The following RBM20 variants were observed in gnomAD, a reference collection of about 807,000 sequenced individuals.
RBM20 encodes the protein RNA-binding protein 20.
RBM20 carries 51 observed loss-of-function variants against 110.1 expected under a neutral mutation model. That is an observed-to-expected ratio of 0.46 (90% CI 0.37 to 0.59). The LOEUF is 0.59. Ranked by LOEUF, RBM20 falls within the 20% of genes least tolerant of loss-of-function variation. The probability of loss-of-function intolerance (pLI) is 0.00; values close to 1 mark genes in which losing one functional copy is unlikely to be tolerated. For synonymous variants in RBM20, 589 were observed against 618.2 expected (o/e 0.95, Z 0.70); for missense variants, 1,512 against 1,574.9 (o/e 0.96, Z 0.68).
At chr10:110,782,652 C>T (rs948744095) in intron 2 of RBM20, among the ~76,000 whole-genome samples, 8 of 152,196 alleles carry the variant, frequency 5.3e-5, no homozygotes, top group South Asian at 2.1e-4. Context: ...CCCTTCTCCC[C>T]GCCACCTCCC....
In RBM20 at chr10:110,797,596, G is replaced by A. The variant is rs1376286473; in HGVS notation, c.1616G>A (p.Gly539Glu). ...ACTGAGAATGACGTCATTAACCTGG[G>A]GCTGCCCTTTGGAAAGGTCACTAAT... ...SCTENDVINL[G>E]LPFGKVTNYI... The change falls in exon 6 of 14, where the codon GGG (glycine) becomes GAG (glutamate). Residue 539 changes from glycine to glutamate, a missense_variant. By Grantham distance (98) the Gly-to-Glu change is moderately conservative. Coordinates refer to ENST00000369519, the MANE Select transcript of RBM20 (RefSeq NM_001134363.3). The A allele has an allele frequency of 6.4e-7, 1 of 1,551,700 alleles. No homozygotes were observed. Among genetic ancestry groups the A allele is most frequent in the South Asian group, 1.2e-5 (1 of 84,052 alleles).
At chr10:110,790,282 T>G (rs1455128661) in intron 5 of RBM20, among the ~76,000 whole-genome samples, 1 of 152,212 alleles carries the variant, frequency 6.6e-6, no homozygotes, top group Non-Finnish European at 1.5e-5. Context: ...GGACTAGTAA[T>G]TGATGTGGCA....
In RBM20 at chr10:110,752,941, ATATATTTTT is replaced by A. The variant is rs1389922400; in HGVS notation, c.192-27858_192-27850del. On this transcript the variant is annotated intron_variant, in intron 1 of 13. Coordinates refer to ENST00000369519, the MANE Select transcript of RBM20 (RefSeq NM_001134363.3). The stretch of plus-strand genomic sequence containing the variant: ...TATACATATATATATATATATATAT[ATATATTTTT>A]TTTTTTTTTATGAAGTCTCCCTCTG... 1.2e-4 allele frequency among the ~76,000 whole-genome samples: 11 copies of A among 92,362 alleles called. No individual in the cohort carries two copies. In the Admixed American group the frequency reaches 1.4e-3, roughly 11 times the overall value. 60.6% of individuals were successfully genotyped at this position (92,362 alleles called of 152,430 possible).
chr10:110,737,364 T>G (rs1843683482), intron 1 of RBM20, among the ~76,000 whole-genome samples: 1 of 151,962 alleles, frequency 6.6e-6, no homozygotes, highest in South Asian at 2.1e-4. Context: ...GAGCAATAAA[T>G]TTCTATTGTT....
At chr10:110,751,504 G>T (rs1269395314) in intron 1 of RBM20, among the ~76,000 whole-genome samples, 2 of 152,176 alleles carry the variant, frequency 1.3e-5, no homozygotes, top group African/African-American at 4.8e-5. Context: ...CCCAGTCCTT[G>T]CCTTTCCTAC....
At chr10:110,786,633 C>T (rs772993093) in intron 5 of RBM20, among the ~76,000 whole-genome samples, 12 of 152,242 alleles carry the variant, frequency 7.9e-5, no homozygotes, top group East Asian at 5.8e-4. Flanking sequence ...ATGGCAGCTT[C>T]GGGTCAGTCC....
intron 1 of RBM20, among the ~76,000 whole-genome samples, chr10:110,653,584 G>T (rs578068543): frequency 6.3e-4 from 95 of 150,786 alleles, no homozygotes; most frequent in African/African-American, 2.3e-3. Context: ...TTGAGACAGG[G>T]TCTCACTCTG....
chr10:110,726,684 C>T (rs1277724474), intron 1 of RBM20, among the ~76,000 whole-genome samples: 1 of 152,036 alleles, frequency 6.6e-6, no homozygotes, highest in Admixed American at 6.5e-5. Flanking sequence ...ATGCCAGTTG[C>T]AGGTTCAAGG....
Position 110,696,113 on chromosome 10 carries a change from C to T in RBM20, c.191+51468C>T, listed in dbSNP as rs114543381. ...GTTTTTAACAAAGCCTCTGGTGATTCTGATGCCTGCGGAAGCGTGAGCCAC... is the reference window on the plus strand; with the variant it reads ...GTTTTTAACAAAGCCTCTGGTGATTTTGATGCCTGCGGAAGCGTGAGCCAC... On this transcript the variant is annotated intron_variant, in intron 1 of 13. Transcript: ENST00000369519. Among the ~76,000 whole-genome samples, 608 of 152,300 alleles carry T rather than the reference C, an allele frequency of 4.0e-3. 5 individuals carry two copies. Among genetic ancestry groups the T allele is most frequent in the African/African-American group, 0.014 (592 of 41,552 alleles).
intron 1 of RBM20, among the ~76,000 whole-genome samples, chr10:110,689,480 T>C (rs944649249): frequency 6.6e-6 from 1 of 152,240 alleles, no homozygotes; most frequent in African/African-American, 2.4e-5. Flanking sequence ...TTCAGCTCTA[T>C]TGGCCGGAGC....
intron 5 of RBM20, among the ~76,000 whole-genome samples, chr10:110,795,059 C>T (rs989031386): frequency 6.6e-6 from 1 of 152,212 alleles, no homozygotes; most frequent in African/African-American, 2.4e-5. Context: ...CACATTAGCA[C>T]AGGCCAACCA....
intron 1 of RBM20, among the ~76,000 whole-genome samples, chr10:110,742,963 C>T (rs1038362235): frequency 3.3e-5 from 5 of 152,174 alleles, no homozygotes; most frequent in African/African-American, 4.8e-5. Context: ...ATGTGTTCCC[C>T]GGAAGGCGGC....
intron 1 of RBM20, among the ~76,000 whole-genome samples, chr10:110,744,941 C>A (rs1843761941): frequency 6.6e-6 from 1 of 152,204 alleles, no homozygotes; most frequent in Non-Finnish European, 1.5e-5. Context: ...ACTGTCCTCC[C>A]AGCACCAAAA....
intron 1 of RBM20, among the ~76,000 whole-genome samples, chr10:110,766,440 GTC>G (rs1337017501): frequency 1.3e-5 from 2 of 151,984 alleles, no homozygotes; most frequent in African/African-American, 4.8e-5. Flanking sequence ...GTGAACAAAG[GTC>G]TCTGGTTTTC....
In RBM20 at chr10:110,781,459, G is replaced by C. The variant is rs201148126; in HGVS notation, c.850G>C (p.Gly284Arg). 1.3e-6 allele frequency: 2 copies of C among 1,551,332 alleles called. No individual in the cohort carries two copies. The highest frequency in any genetic ancestry group is 1.4e-5 in the African/African-American group (1 of 73,038). Reference protein sequence around the residue: ...GQAAFSKDFYGPNSQGSHVAS... With the variant: ...GQAAFSKDFYRPNSQGSHVAS... Reference sequence around the variant, plus strand: ...AGCTGCCTTTTCCAAAGATTTTTACGGACCCAACTCCCAAGGTTCACATGT... The same window carrying C: ...AGCTGCCTTTTCCAAAGATTTTTACCGACCCAACTCCCAAGGTTCACATGT... Residue 284 changes from glycine (G) to arginine (R), a missense_variant, in exon 2 of 14, where the codon GGA becomes CGA. Around this residue, in one of 3 missense-constraint regions of RBM20, gnomAD observed 1,149 missense variants for 1,169.4 expected, o/e 0.98. Coordinates refer to ENST00000369519, the MANE Select transcript of RBM20 (RefSeq NM_001134363.3).
At chr10:110,792,709 C>G (rs752731334) in intron 5 of RBM20, among the ~76,000 whole-genome samples, 1 of 152,158 alleles carries the variant, frequency 6.6e-6, no homozygotes, top group Non-Finnish European at 1.5e-5. Context: ...TTTGTGTATC[C>G]TCTCAACTCT....
At chr10:110,785,111 T>A (rs1044734730) in intron 5 of RBM20, among the ~76,000 whole-genome samples, 1 of 152,150 alleles carries the variant, frequency 6.6e-6, no homozygotes, top group Non-Finnish European at 1.5e-5. Context: ...TGAGCCACCA[T>A]GCCCTGCCTC....
At chr10:110,649,618 C>T (rs1861918613) in intron 1 of RBM20, among the ~76,000 whole-genome samples, 1 of 152,148 alleles carries the variant, frequency 6.6e-6, no homozygotes, top group Non-Finnish European at 1.5e-5. Context: ...TTTCCTGCCA[C>T]AGTGATTATT....
Position 110,817,539 on chromosome 10 carries a change from G to A in RBM20, c.2551-2533G>A, listed in dbSNP as rs143969332. Among the ~76,000 whole-genome samples, 1,211 of 152,256 alleles carry A rather than the reference G, an allele frequency of 8.0e-3. 20 individuals carry two copies. The highest frequency in any genetic ancestry group is 0.028 in the African/African-American group (1,157 of 41,526). ...AATATTTGTGGAGCACCCGGCATTG[G>A]GACTATAGTTAGTGACACTGAAATG... On this transcript the variant is annotated intron_variant, in intron 9 of 13. Coordinates refer to ENST00000369519, the MANE Select transcript of RBM20 (RefSeq NM_001134363.3).
Sources: allele counts gnomAD v4.1 joint callset (sites outside exome capture counted in the v4.1 genomes callset), GRCh38; gene constraint gnomAD v4.1.1; regional missense constraint gnomAD v4.1.1; transcripts MANE v1.5; gene names NCBI Gene and HGNC (gene_info 2026-07-23, HGNC 2026-07-21).